Variants in AKAP13 observed in about 807,000 individuals in gnomAD.
AKAP13 encodes the protein A-kinase anchoring protein 13, also known as A-kinase anchor protein 13.
AKAP13 carries 80 observed loss-of-function variants against 264.5 expected under a neutral mutation model. The observed-to-expected ratio is 0.30, with a 90% confidence interval of 0.25 to 0.36. The LOEUF is 0.36. Ranked by LOEUF, AKAP13 falls within the 10% of genes least tolerant of loss-of-function variation. AKAP13 has a pLI of 1.00. For missense variants in AKAP13, 3,712 were observed against 3,435.2 expected (o/e 1.08, Z -2.01); for synonymous variants, 1,380 against 1,250.2 (o/e 1.10, Z -2.19).
chr15:85,664,413 A>G (rs1384611108), intron 12 of AKAP13, 150 bp from the exon 13 acceptor site: 48 of 694,536 alleles, frequency 6.9e-5, no homozygotes, highest in Non-Finnish European at 1.0e-4. Flanking sequence ...GGTAGGTAGT[A>G]TTCTTTGTGC....
chr15:85,671,785 A>G (rs1279014658), intron 14 of AKAP13, among the ~76,000 whole-genome samples: 1 of 152,162 alleles, frequency 6.6e-6, no homozygotes, highest in African/African-American at 2.4e-5. Flanking sequence ...TCTAAGTGAG[A>G]CATTTCAGCT....
At chr15:85,539,452 G>A (rs889083212) in intron 4 of AKAP13, among the ~76,000 whole-genome samples, 1 of 152,194 alleles carries the variant, frequency 6.6e-6, no homozygotes, top group Non-Finnish European at 1.5e-5. Context: ...ACAAAGAATG[G>A]TGATTTTGGA....
intron 1 of AKAP13, among the ~76,000 whole-genome samples, chr15:85,414,495 G>T (rs1449405292): frequency 1.3e-5 from 2 of 152,144 alleles, no homozygotes; most frequent in Non-Finnish European, 2.9e-5. Flanking sequence ...AAAATGAGGG[G>T]TAGTGAGATT....
chr15:85,519,214 TA>T (rs2076721333), intron 2 of AKAP13, among the ~76,000 whole-genome samples: 1 of 152,102 alleles, frequency 6.6e-6, no homozygotes, highest in African/African-American at 2.4e-5. Context: ...GGATGATGGG[TA>T]AATGAATGGG....
At chr15:85,674,525 G>A (rs74025656) in intron 14 of AKAP13, among the ~76,000 whole-genome samples, 1 of 152,092 alleles carries the variant, frequency 6.6e-6, no homozygotes, top group Non-Finnish European at 1.5e-5. Context: ...TTTCCCTTGG[G>A]GTTGTTTTTA....
intron 6 of AKAP13, among the ~76,000 whole-genome samples, chr15:85,576,461 T>A (rs1199644630): frequency 1.3e-5 from 2 of 152,210 alleles, no homozygotes; most frequent in Non-Finnish European, 2.9e-5. Flanking sequence ...ATAAAAACAT[T>A]ACAGACTCCC....
intron 30 of AKAP13, among the ~76,000 whole-genome samples, chr15:85,732,422 A>G (rs2151755654): frequency 6.7e-6 from 1 of 149,480 alleles, no homozygotes; most frequent in Non-Finnish European, 1.5e-5. Context: ...GCTTGGGGAA[A>G]AACATATATA....
chr15:85,648,336 C>T (rs1257426302), intron 10 of AKAP13, among the ~76,000 whole-genome samples: 1 of 152,206 alleles, frequency 6.6e-6, no homozygotes, highest in Non-Finnish European at 1.5e-5. Flanking sequence ...TTGCAACCTC[C>T]TAGGTGCATG....
chr15:85,529,139 C>A (rs1336890006), intron 3 of AKAP13, among the ~76,000 whole-genome samples: 1 of 152,124 alleles, frequency 6.6e-6, no homozygotes, highest in Non-Finnish European at 1.5e-5. Context: ...AATAACCCTG[C>A]AGTTGGCCAG....
At position 85,579,750 on chromosome 15, in the gene AKAP13, C is replaced by T; in HGVS notation, c.1682C>T (p.Ser561Phe). Reference sequence around the variant, plus strand: ...CTTGCATTTAGTAATGAAGAAACCTCCACTGAAAAAACAGCAGAAACGGAA... The same window carrying T: ...CTTGCATTTAGTAATGAAGAAACCTTCACTGAAAAAACAGCAGAAACGGAA... Reference protein sequence around the residue: ...SSLAFSNEETSTEKTAETETS... With the variant: ...SSLAFSNEETFTEKTAETETS... Residue 561 changes from serine (S) to phenylalanine (F), a missense_variant, in exon 7 of 37, where the codon TCC becomes TTC. This residue lies in a region of AKAP13 where 2,759 missense variants were observed against 2,411.7 expected (regional missense o/e 1.14). Coordinates refer to ENST00000394518, the MANE Select transcript of AKAP13 (RefSeq NM_007200.5). 4 of 1,614,164 alleles carry T rather than the reference C, an allele frequency of 2.5e-6. No individual in the cohort carries two copies. The highest frequency in any genetic ancestry group is 3.4e-6 in the Non-Finnish European group (4 of 1,180,036).
chr15:85,582,908 G>A (rs1462509262), intron 7 of AKAP13: 3 of 985,342 alleles, frequency 3.0e-6, no homozygotes, highest in African/African-American at 3.5e-5. Flanking sequence ...TGAGCAGATT[G>A]CTCACACAGC....
intron 1 of AKAP13, among the ~76,000 whole-genome samples, chr15:85,399,473 G>C (rs529345024): frequency 7.6e-6 from 1 of 131,064 alleles, no homozygotes; most frequent in Non-Finnish European, 1.6e-5. Context: ...TCCGCAGTCC[G>C]GCCTGGGCGA....
chr15:85,627,935 C>A (rs1002189080), intron 8 of AKAP13, among the ~76,000 whole-genome samples: 2 of 152,184 alleles, frequency 1.3e-5, no homozygotes, highest in South Asian at 2.1e-4. Context: ...GCATATTGTC[C>A]GCTTTTAAAG....
intron 10 of AKAP13, among the ~76,000 whole-genome samples, chr15:85,653,604 G>A (rs761930108): frequency 1.3e-5 from 2 of 152,152 alleles, no homozygotes; most frequent in African/African-American, 2.4e-5. Flanking sequence ...TTATAGTATA[G>A]AGATATAGAG....
Position 85,743,547 on chromosome 15 carries a change from A to G in AKAP13, c.8114A>G (p.Glu2705Gly). ...ATCCCATCGTTCTTCCCCAGTCCTG[A>G]GGAGCCCCCCTCGCCATCTGCACCT... ...MRIPSFFPSP[E>G]EPPSPSAPSI... Residue 2705 changes from glutamate to glycine, a missense_variant, in exon 36 of 37, where the codon GAG becomes GGG. Physicochemically the swap from Glu to Gly is moderately conservative, Grantham distance 98. Coordinates refer to ENST00000394518, the MANE Select transcript of AKAP13 (RefSeq NM_007200.5). 1 of 1,614,180 alleles carries G rather than the reference A, an allele frequency of 6.2e-7. No individual in the cohort carries two copies. Among genetic ancestry groups the G allele is most frequent in the South Asian group, 1.1e-5 (1 of 91,088 alleles).
At chr15:85,640,754 CAA>C (rs2082271260) in intron 9 of AKAP13, among the ~76,000 whole-genome samples, 2 of 152,104 alleles carry the variant, frequency 1.3e-5, no homozygotes, top group Non-Finnish European at 2.9e-5. Flanking sequence ...TAAAACCACC[CAA>C]GAGTGAGACT....
chr15:85,440,383 G>A (rs1567058195), intron 1 of AKAP13, among the ~76,000 whole-genome samples: 3 of 152,084 alleles, frequency 2.0e-5, no homozygotes, highest in South Asian at 4.1e-4. Context: ...TTATTCATGT[G>A]TTCTGAAATG....
chr15:85,486,739 CTTTTTTTTTT>C (rs562767898), intron 2 of AKAP13, among the ~76,000 whole-genome samples: 3 of 115,646 alleles, frequency 2.6e-5, no homozygotes, highest in African/African-American at 6.7e-5. Context: ...TTGTTCAGTT[CTTTTTTTTTT>C]TTTTTTTTGG....
chr15:85,716,038 A>C, intron 20 of AKAP13, 115 bp downstream of exon 20: 1 of 1,354,214 alleles, frequency 7.4e-7, no homozygotes, highest in Non-Finnish European at 9.8e-7. Flanking sequence ...CTATAAGGTC[A>C]TGGGTTGGTG....
Sources: allele counts gnomAD v4.1 joint callset (sites outside exome capture counted in the v4.1 genomes callset), GRCh38; gene constraint gnomAD v4.1.1; regional missense constraint gnomAD v4.1.1; transcripts MANE v1.5; gene names NCBI Gene and HGNC (gene_info 2026-07-23, HGNC 2026-07-21).